Variants in ZNF208 observed in about 807,000 individuals in gnomAD.
ZNF208 encodes zinc finger protein 208.
A neutral mutation model predicts 12.1 loss-of-function variants in ZNF208; 10 were observed. That is an observed-to-expected ratio of 0.83 (90% CI 0.51 to 1.40). The LOEUF is 1.40. Among genes scored for constraint, ZNF208 ranks in the 40% most tolerant of loss-of-function variants. The pLI is 0.00. For missense variants in ZNF208, 1,652 were observed against 1,485.0 expected, an observed-to-expected ratio of 1.11 and a Z score of -1.85; for synonymous variants, 497 against 488.4, an observed-to-expected ratio of 1.02 and a Z score of -0.23.
intron 1 of ZNF208, among the ~76,000 whole-genome samples, chr19:22,001,479 A>G (rs1345067431): frequency 6.6e-6 from 1 of 152,196 alleles, no homozygotes; most frequent in Non-Finnish European, 1.5e-5. Context: ...ATTAAAAAGA[A>G]GAAACTCCTC....
chr19:22,002,331 G>C (rs1339290575), intron 1 of ZNF208, among the ~76,000 whole-genome samples: 1 of 152,034 alleles, frequency 6.6e-6, no homozygotes, highest in Non-Finnish European at 1.5e-5. Flanking sequence ...ATATAAAATT[G>C]GTAGTCTTAG....
At chr19:21,997,642 G>T in intron 1 of ZNF208, 1 of 159,704 alleles carries the variant, frequency 6.3e-6, no homozygotes, top group Non-Finnish European at 1.3e-5. Context: ...GCACTCCAGT[G>T]GCACATCAGA....
intron 4 of ZNF208, among the ~76,000 whole-genome samples, chr19:21,955,258 A>G (rs1434366606): frequency 1.3e-5 from 2 of 152,162 alleles, no homozygotes; most frequent in African/African-American, 4.8e-5. Flanking sequence ...GCTGCCCTCA[A>G]CATTTTTTCC....
intron 4 of ZNF208, among the ~76,000 whole-genome samples, chr19:21,944,413 A>G (rs1172223670): frequency 2.0e-5 from 3 of 152,252 alleles, no homozygotes; most frequent in African/African-American, 7.2e-5. Context: ...CTGTTATTCC[A>G]CAACAAATCA....
At chr19:21,946,019 G>T (rs1307520090) in intron 4 of ZNF208, among the ~76,000 whole-genome samples, 3 of 152,284 alleles carry the variant, frequency 2.0e-5, no homozygotes, top group East Asian at 3.9e-4. Flanking sequence ...ATAAAAATTT[G>T]CACACACCTC....
chr19:21,989,079 T>C (rs887718469), intron 1 of ZNF208, among the ~76,000 whole-genome samples, 170 bp from the exon 2 acceptor site: 1 of 144,778 alleles, frequency 6.9e-6, no homozygotes, highest in South Asian at 2.2e-4. Context: ...ATTCTCTCTC[T>C]TTTTTCTTTT....
In ZNF208 at chr19:21,972,746, G is replaced by T. The variant is rs780165874; in HGVS notation, c.2288C>A (p.Thr763Asn). The part of the protein sequence containing the change: ...ECGKAYKWSS[T>N]LSYHKKIHTV... The stretch of plus-strand genomic sequence containing the variant: ...ATGAATTTTCTTATGATAACTAAGG[G>T]TTGAGGACCACTTATAGGCTTTGCC... Residue 763 changes from threonine (T) to asparagine (N), a missense_variant, in exon 4 of 4, where the codon ACC (threonine) becomes AAC (asparagine). Coordinates refer to ENST00000397126, the MANE Select transcript of ZNF208 (RefSeq NM_007153.3). The T allele has an allele frequency of 3.7e-5, 58 of 1,584,824 alleles. No homozygotes were observed. Among genetic ancestry groups the T allele is most frequent in the Non-Finnish European group, 4.8e-5 (56 of 1,165,080 alleles).
chr19:21,983,539 A>T (rs1970582390), intron 3 of ZNF208, among the ~76,000 whole-genome samples: 1 of 152,350 alleles, frequency 6.6e-6, no homozygotes, highest in Non-Finnish European at 1.5e-5. Context: ...TCTACTATAA[A>T]GGCACATGAA....
chr19:21,994,735 C>T (rs1300312215), intron 1 of ZNF208, among the ~76,000 whole-genome samples: 1 of 151,666 alleles, frequency 6.6e-6, no homozygotes, highest in Non-Finnish European at 1.5e-5. Flanking sequence ...AAAAGAAATA[C>T]AAATAATAAT....
At chr19:21,952,362 C>A (rs1331670079) in intron 4 of ZNF208, among the ~76,000 whole-genome samples, 1 of 152,182 alleles carries the variant, frequency 6.6e-6, no homozygotes, top group African/African-American at 2.4e-5. Context: ...CAATCCCTGA[C>A]CCCCATGTAG....
chr19:21,957,333 C>T (rs1039352569), intron 4 of ZNF208, among the ~76,000 whole-genome samples: 2 of 152,198 alleles, frequency 1.3e-5, no homozygotes, highest in African/African-American at 4.8e-5. Context: ...GCACCATGCC[C>T]AGCTGAAAAA....
At chr19:21,994,349 T>C (rs1970791796) in intron 1 of ZNF208, among the ~76,000 whole-genome samples, 1 of 152,186 alleles carries the variant, frequency 6.6e-6, no homozygotes, top group Admixed American at 6.5e-5. Context: ...TCAGAAAATG[T>C]TGAACACCAG....
At chr19:22,002,037 G>T (rs1051680417) in intron 1 of ZNF208, among the ~76,000 whole-genome samples, 1 of 151,762 alleles carries the variant, frequency 6.6e-6, no homozygotes, top group African/African-American at 2.4e-5. Context: ...TTTAAGGTTT[G>T]CTCAACATAC....
rs765911692 is a variant in ZNF208, at chr19:21,972,654, T to A, written c.2380A>T (p.Lys794Ter). The change falls in exon 4 of 4, where the codon AAA (lysine) becomes TAA (stop). Residue 794 changes from lysine to a stop codon, truncating the protein, a stop_gained. Transcript: ENST00000397126. LOFTEE classifies it low-confidence loss of function (END_TRUNC). ...KAFNRSAILI[K>*]HKRIHTDEKP... Reference sequence around the variant, plus strand: ...TCATCAGTATGAATTCTCTTATGTTTAATAAGGATTGCAGATCGGTTAAAA... The same window carrying A: ...TCATCAGTATGAATTCTCTTATGTTAAATAAGGATTGCAGATCGGTTAAAA... 2 of 1,612,888 alleles carry A rather than the reference T, an allele frequency of 1.2e-6. No individual in the cohort carries two copies. Among genetic ancestry groups the A allele is most frequent in the Non-Finnish European group, 1.7e-6 (2 of 1,179,796 alleles).
chr19:21,972,035 G>A lies in ZNF208; in HGVS notation c.2999C>T (p.Pro1000Leu), dbSNP rs910632163. The A allele has an allele frequency of 1.2e-6, 2 of 1,613,744 alleles. No individual in the cohort carries two copies. The highest frequency in any genetic ancestry group is 8.5e-7 in the Non-Finnish European group (1 of 1,179,902). Residue 1000 changes from proline to leucine, a missense_variant, in exon 4 of 4, where the codon CCC becomes CTC. Transcript: ENST00000397126. ...KHKVIHTGEK[P>L]YKCEECGKAF... ...TTTGCCACATTCTTCACATTTGTAGGGTTTCTCTCCAGTATGAATTACCTT... is the reference window on the plus strand; with the variant it reads ...TTTGCCACATTCTTCACATTTGTAGAGTTTCTCTCCAGTATGAATTACCTT...
chr19:21,993,398 T>A (rs1425805097), intron 1 of ZNF208, among the ~76,000 whole-genome samples: 1 of 152,066 alleles, frequency 6.6e-6, no homozygotes, highest in Non-Finnish European at 1.5e-5. Flanking sequence ...ATGAGCCACT[T>A]AATTAAAACA....
In ZNF208 at chr19:21,974,254, T is replaced by G. The variant is rs200564282; in HGVS notation, c.780A>C (p.Glu260Asp). The G allele has an allele frequency of 3.6e-4, 578 of 1,612,796 alleles. 7 individuals carry two copies. Among genetic ancestry groups the G allele is most frequent in the Admixed American group, 1.4e-3 (81 of 59,866 alleles). ...ATTGGTTAAAAGCCTTGCCACATTC[T>G]TCACATTTGTAGGATTTCTCTCCAG... ...IHTGEKSYKC[E>D]ECGKAFNQSA... The change falls in exon 4 of 4, where the codon GAA becomes GAC. Residue 260 changes from glutamate to aspartate, a missense_variant. Glu to Asp is a conservative substitution (Grantham distance 45). This residue lies in a region of ZNF208 where 410 missense variants were observed against 378.2 expected (regional missense o/e 1.08). Coordinates refer to ENST00000397126, the MANE Select transcript of ZNF208 (RefSeq NM_007153.3).
Position 21,973,711 on chromosome 19 carries a change from C to T in ZNF208, c.1323G>A (p.Met441Ile), listed in dbSNP as rs781769134. Residue 441 changes from methionine to isoleucine, a missense_variant, in exon 4 of 4, where the codon ATG (methionine) becomes ATA (isoleucine). Physicochemically the swap from Met to Ile is conservative, Grantham distance 10. Transcript: ENST00000397126. ...GKAFNWSSNL[M>I]EHKKIHTGET... ...CTCCAGTGTGAATTTTCTTATGTTC[C>T]ATAAGGTTTGAGGACCAGTTGAAAG... 1 of 1,558,904 alleles carries T rather than the reference C, an allele frequency of 6.4e-7. No homozygotes were observed. Among genetic ancestry groups the T allele is most frequent in the Non-Finnish European group, 8.8e-7 (1 of 1,140,106 alleles).
At chr19:21,975,107 A>G (rs532712559) in intron 3 of ZNF208, among the ~76,000 whole-genome samples, 47 of 152,282 alleles carry the variant, frequency 3.1e-4, no homozygotes, top group Non-Finnish European at 6.3e-4. Context: ...CTGTTCCTCA[A>G]TATTACCTAG....
Sources: gnomAD v4.1 joint callset for allele counts (sites outside exome capture counted in the v4.1 genomes callset) on GRCh38, gnomAD v4.1.1 for gene constraint, gnomAD v4.1.1 regional missense constraint, MANE v1.5 for transcripts, NCBI Gene and HGNC (gene_info 2026-07-23, HGNC 2026-07-21) for gene names.